The following PARD3 variants were observed in gnomAD, a reference collection of about 807,000 sequenced individuals.
PARD3 encodes the protein par-3 family cell polarity regulator, also known as partitioning defective 3 homolog.
A neutral mutation model predicts 155.4 loss-of-function variants in PARD3; 75 were observed. That is an observed-to-expected ratio of 0.48 (90% CI 0.40 to 0.58). PARD3 has a LOEUF of 0.58. PARD3 is among the 20% of genes least tolerant of loss of function. The pLI, the probability that PARD3 is intolerant of heterozygous loss-of-function variation, is 0.00. For missense variants in PARD3, 1,642 were observed against 1,721.7 expected (o/e 0.95, Z 0.82); for synonymous variants, 576 against 610.5 (o/e 0.94, Z 0.83).
rs886697087 is a variant in PARD3 at position 34,651,013 on chromosome 10, A to C, written c.222+45305T>G. 6.2e-3 allele frequency among the ~76,000 whole-genome samples: 135 copies of C among 21,804 alleles called. 1 individual carries two copies. The highest frequency in any genetic ancestry group is 8.2e-3 in the Non-Finnish European group (100 of 12,150). The allele number at this position is 21,804 out of a possible 152,430, so 14.3% of individuals were successfully genotyped here. On this transcript the variant is annotated intron_variant, in intron 2 of 24. Transcript: ENST00000374788. ...GCAACAAGAACGAAACTCTGTCTCAAAAAAAAAAAAAAAAAAAAAAAAAAA... is the reference window on the plus strand; with the variant it reads ...GCAACAAGAACGAAACTCTGTCTCACAAAAAAAAAAAAAAAAAAAAAAAAA...
chr10:34,695,606 A>AG (rs1261847223), intron 2 of PARD3, among the ~76,000 whole-genome samples: 2 of 152,096 alleles, frequency 1.3e-5, no homozygotes, highest in Non-Finnish European at 2.9e-5. Context: ...TCAAGAGTAC[A>AG]GAAAAAAAGT....
At chr10:34,656,958 A>G (rs145894792) in intron 2 of PARD3, among the ~76,000 whole-genome samples, 3 of 152,328 alleles carry the variant, frequency 2.0e-5, no homozygotes, top group Non-Finnish European at 4.4e-5. Flanking sequence ...CTTCTAATAA[A>G]CATTCAACAC....
intron 7 of PARD3, 72 bp from the exon 8 acceptor site, chr10:34,384,326 G>C: frequency 7.5e-7 from 1 of 1,336,134 alleles, no homozygotes; most frequent in South Asian, 1.5e-5. Flanking sequence ...CCACTTTAAT[G>C]CTGTTATTAT....
chr10:34,286,922 G>T (rs1382107711), intron 20 of PARD3, among the ~76,000 whole-genome samples: 3 of 152,180 alleles, frequency 2.0e-5, no homozygotes, highest in African/African-American at 7.2e-5. Flanking sequence ...AATAAAATTT[G>T]CTGATGGGGA....
At chr10:34,559,568 T>C (rs1027024215) in intron 2 of PARD3, among the ~76,000 whole-genome samples, 4 of 152,036 alleles carry the variant, frequency 2.6e-5, no homozygotes, top group South Asian at 2.1e-4. Flanking sequence ...GTCAGAAGAA[T>C]AGACATGCCA....
intron 2 of PARD3, among the ~76,000 whole-genome samples, chr10:34,625,177 C>T (rs925340705): frequency 6.6e-6 from 1 of 152,202 alleles, no homozygotes; most frequent in Non-Finnish European, 1.5e-5. Context: ...AGGCCACAGC[C>T]TATTCTTTCA....
At chr10:34,336,153 T>C (rs775643521) in intron 18 of PARD3, 46 bp downstream of exon 18, 20 of 1,406,696 alleles carry the variant, frequency 1.4e-5, no homozygotes, top group Admixed American at 3.4e-5. Flanking sequence ...TGATAAGCTA[T>C]GTGGGCCATC....
intron 12 of PARD3, among the ~76,000 whole-genome samples, chr10:34,362,795 C>T (rs1839583861): frequency 6.6e-6 from 1 of 152,210 alleles, no homozygotes; most frequent in African/African-American, 2.4e-5. Context: ...GAAACATTTA[C>T]AGAGTACGAA....
intron 2 of PARD3, among the ~76,000 whole-genome samples, chr10:34,540,973 T>C (rs1214648483): frequency 3.3e-5 from 5 of 152,288 alleles, no homozygotes; most frequent in Middle Eastern, 3.4e-3. Flanking sequence ...ATAGTCACCA[T>C]AGCAACTTTT....
intron 19 of PARD3, among the ~76,000 whole-genome samples, chr10:34,330,712 T>TGGGA (rs1835526527): frequency 1.3e-5 from 2 of 152,186 alleles, no homozygotes; most frequent in Non-Finnish European, 2.9e-5. Context: ...AGTTTTAAAA[T>TGGGA]ATTACTTTTT....
intron 22 of PARD3, among the ~76,000 whole-genome samples, chr10:34,143,997 A>C (rs1239977031): frequency 6.6e-6 from 1 of 151,584 alleles, no homozygotes; most frequent in Non-Finnish European, 1.5e-5. Flanking sequence ...TTATCTGGAG[A>C]GAGGGAATAA....
intron 22 of PARD3, among the ~76,000 whole-genome samples, chr10:34,187,754 G>T (rs913637495): frequency 3.9e-5 from 6 of 152,220 alleles, no homozygotes; most frequent in African/African-American, 1.2e-4. Context: ...ATGGAGATCA[G>T]TAACACGTTC....
At chr10:34,529,094 C>T (rs2082663590) in intron 2 of PARD3, among the ~76,000 whole-genome samples, 1 of 152,156 alleles carries the variant, frequency 6.6e-6, no homozygotes, top group Admixed American at 6.5e-5. Context: ...CACATGCTCT[C>T]AGCCAGTTCC....
intron 5 of PARD3, among the ~76,000 whole-genome samples, chr10:34,441,755 T>A (rs970577406): frequency 6.6e-6 from 1 of 152,188 alleles, no homozygotes; most frequent in Non-Finnish European, 1.5e-5. Flanking sequence ...AAATAATGTG[T>A]CCCATACATA....
intron 22 of PARD3, among the ~76,000 whole-genome samples, chr10:34,261,059 G>A (rs1158591794): frequency 6.6e-6 from 1 of 152,146 alleles, no homozygotes; most frequent in Non-Finnish European, 1.5e-5. Context: ...AGCAAGCAGG[G>A]GGAGTCTAGC....
chr10:34,206,604 C>G (rs1452209433), intron 22 of PARD3, among the ~76,000 whole-genome samples: 2 of 152,232 alleles, frequency 1.3e-5, no homozygotes, highest in Admixed American at 6.5e-5. Context: ...CAGAGCAGAG[C>G]TACTCCCTGG....
Position 34,119,755 on chromosome 10 carries a change from T to C in PARD3, c.3541-15A>G, listed in dbSNP as rs554301010. On this transcript the variant is annotated splice_polypyrimidine_tract_variant and intron_variant, in intron 23 of 24. Coordinates refer to ENST00000374788, the MANE Select transcript of PARD3 (RefSeq NM_001184785.2). Reference sequence around the variant, plus strand: ...CGTGCGTTCGGCTGGAAGAGGAAAATACAAGCACATCGTTAACCAGAAAGT... The same window carrying C: ...CGTGCGTTCGGCTGGAAGAGGAAAACACAAGCACATCGTTAACCAGAAAGT... The C allele has an allele frequency of 2.3e-4, 372 of 1,606,432 alleles. 5 individuals carry two copies. In the South Asian group the frequency reaches 3.9e-3, roughly 17 times the overall value.
chr10:34,433,675 T>C (rs1427417038), intron 5 of PARD3, among the ~76,000 whole-genome samples: 2 of 152,240 alleles, frequency 1.3e-5, no homozygotes, highest in African/African-American at 4.8e-5. Flanking sequence ...GAGGAGATTC[T>C]TGAAAAGTTA....
At chr10:34,776,228 C>T (rs534509912) in intron 1 of PARD3, among the ~76,000 whole-genome samples, 2 of 152,264 alleles carry the variant, frequency 1.3e-5, no homozygotes, top group African/African-American at 4.8e-5. Flanking sequence ...AACAAGAAGA[C>T]AAGGGAACAA....
Sources: gnomAD v4.1 joint callset for allele counts (sites outside exome capture counted in the v4.1 genomes callset) on GRCh38, gnomAD v4.1.1 for gene constraint, MANE v1.5 for transcripts, NCBI Gene and HGNC (gene_info 2026-07-23, HGNC 2026-07-21) for gene names.